ZNF385D: variants seen among roughly 807,000 people sequenced by gnomAD.
ZNF385D encodes the protein zinc finger protein 659.
ZNF385D carries 15 observed loss-of-function variants against 35.8 expected under a neutral mutation model. The ratio of observed to expected loss-of-function variants is 0.42; its 90% CI spans 0.28 to 0.64. ZNF385D has a LOEUF of 0.64. Among genes scored for constraint, ZNF385D ranks in the 30% least tolerant of loss-of-function variants. The pLI is 0.23. For missense variants in ZNF385D, 474 were observed against 494.6 expected (o/e 0.96, Z 0.39); for synonymous variants, 212 against 186.8 (o/e 1.13, Z -1.10).
At chr3:22,111,425 G>A (rs1394834140) in intron 3 of ZNF385D, among the ~76,000 whole-genome samples, 1 of 151,964 alleles carries the variant, frequency 6.6e-6, no homozygotes, top group Non-Finnish European at 1.5e-5. Context: ...AGCAGAAAGT[G>A]AGCCCTACCA....
chr3:22,006,504 CTT>C (rs1696212843), intron 3 of ZNF385D, among the ~76,000 whole-genome samples: 1 of 151,900 alleles, frequency 6.6e-6, no homozygotes, highest in Non-Finnish European at 1.5e-5. Context: ...ATAATTATCT[CTT>C]TTTGATTACA....
chr3:22,357,097 CACAT>C (rs1696189096), intron 2 of ZNF385D, among the ~76,000 whole-genome samples: 1 of 151,842 alleles, frequency 6.6e-6, no homozygotes, highest in Non-Finnish European at 1.5e-5. Context: ...TCAAGAAGTT[CACAT>C]ACATAATTAC....
chr3:21,900,282 T>C (rs1699333567), intron 3 of ZNF385D, among the ~76,000 whole-genome samples: 1 of 152,112 alleles, frequency 6.6e-6, no homozygotes, highest in Non-Finnish European at 1.5e-5. Context: ...TCTAGTTGGA[T>C]AACAGAGTCA....
intron 2 of ZNF385D, among the ~76,000 whole-genome samples, chr3:22,323,768 A>T (rs1487497814): frequency 6.6e-6 from 1 of 152,220 alleles, no homozygotes; most frequent in Non-Finnish European, 1.5e-5. Flanking sequence ...TAAGTGATGA[A>T]TATAAATTAT....
intron 2 of ZNF385D, among the ~76,000 whole-genome samples, chr3:22,265,862 T>A (rs537721604): frequency 6.6e-6 from 1 of 151,970 alleles, no homozygotes; most frequent in Admixed American, 6.6e-5. Flanking sequence ...TAAGGTCACA[T>A]AGAGGTTAAG....
In ZNF385D at chr3:21,423,966, C is replaced by T. The variant is rs1482028772; in HGVS notation, c.951G>A (p.Leu317=). The part of the protein sequence containing the change: ...YNKLQKTAHP[L]GVKLVFSKEP... ...ACTCTTGCAAAATGACACTCACCCC[C>T]AGTGGATGTGCTGTCTTCTGTAGTT... The change falls in exon 7 of 8, where the codon CTG becomes CTA. Residue 317 remains leucine (L), a synonymous_variant. Transcript: ENST00000281523. The T allele has an allele frequency of 6.2e-7, 1 of 1,607,262 alleles. No individual in the cohort carries two copies. The highest frequency in any genetic ancestry group is 2.3e-5 in the East Asian group (1 of 44,130).
At chr3:21,745,436 A>C (rs573283047) in intron 1 of ZNF385D, among the ~76,000 whole-genome samples, 1 of 152,182 alleles carries the variant, frequency 6.6e-6, no homozygotes, top group Non-Finnish European at 1.5e-5. Context: ...GTTCATATGC[A>C]ATCAGGGCTG....
intron 4 of ZNF385D, among the ~76,000 whole-genome samples, chr3:21,457,514 C>A (rs1200022425): frequency 6.6e-6 from 1 of 152,014 alleles, no homozygotes; most frequent in Non-Finnish European, 1.5e-5. Flanking sequence ...TGCCACCATG[C>A]CTAGCTAATT....
Position 21,437,004 on chromosome 3 carries a change from G to A in ZNF385D, c.639C>T (p.Val213=). ...LLYCSLCKVA[V]NSASQLEAHN... is the part of the protein sequence containing the mutation. ...GCGCCTCCAGCTGCGAGGCAGAGTT[G>A]ACAGCAACCTTGCATAGCGAACAGT... The change falls in exon 5 of 8, where the codon GTC becomes GTT. Residue 213 remains valine (V), a synonymous_variant. Transcript: ENST00000281523. 1.9e-6 allele frequency: 3 copies of A among 1,613,940 alleles called. No individual in the cohort carries two copies. Among genetic ancestry groups the A allele is most frequent in the Non-Finnish European group, 2.5e-6 (3 of 1,179,878 alleles).
At chr3:21,425,340 A>AT in intron 6 of ZNF385D, 152 bp downstream of exon 6, 1 of 636,172 alleles carries the variant, frequency 1.6e-6, no homozygotes, top group South Asian at 4.1e-5. Context: ...TGAAAGGAAG[A>AT]TAAGTGGGTT....
chr3:21,455,861 A>G (rs1162062883), intron 4 of ZNF385D, among the ~76,000 whole-genome samples: 1 of 152,128 alleles, frequency 6.6e-6, no homozygotes, highest in East Asian at 1.9e-4. Context: ...GCTAATATCC[A>G]GAATCTACAA....
chr3:22,173,707 C>T (rs1694624119), intron 2 of ZNF385D, among the ~76,000 whole-genome samples: 1 of 152,132 alleles, frequency 6.6e-6, no homozygotes, highest in Admixed American at 6.6e-5. Context: ...GGCTCTTTAT[C>T]TCAAATTTGC....
chr3:22,044,197 A>G (rs540618759), intron 3 of ZNF385D, among the ~76,000 whole-genome samples: 1 of 152,054 alleles, frequency 6.6e-6, no homozygotes, highest in Non-Finnish European at 1.5e-5. Context: ...TTAAAGATGA[A>G]TTGGCACCAG....
At chr3:22,162,856 CT>C (rs747007783) in intron 3 of ZNF385D, among the ~76,000 whole-genome samples, 6 of 152,116 alleles carry the variant, frequency 3.9e-5, no homozygotes, top group Non-Finnish European at 8.8e-5. Context: ...TCCTTAACAA[CT>C]TTAAAAATCA....
At chr3:21,945,697 G>T (rs184812332) in intron 3 of ZNF385D, among the ~76,000 whole-genome samples, 411 of 152,246 alleles carry the variant, frequency 2.7e-3, no homozygotes, top group Non-Finnish European at 5.0e-3. Flanking sequence ...CCCAATTGAT[G>T]TAAGTTTCTT....
intron 2 of ZNF385D, among the ~76,000 whole-genome samples, chr3:21,597,751 A>T (rs1183973742): frequency 6.6e-6 from 1 of 152,182 alleles, no homozygotes; most frequent in East Asian, 1.9e-4. Flanking sequence ...TGATAAACAT[A>T]AAAAGGTAGT....
At chr3:21,842,384 G>A (rs1695736246) in intron 3 of ZNF385D, among the ~76,000 whole-genome samples, 1 of 152,006 alleles carries the variant, frequency 6.6e-6, no homozygotes, top group African/African-American at 2.4e-5. Flanking sequence ...ATTTCTATCA[G>A]ATCTGATTCC....
At chr3:21,859,407 GA>G (rs35618611) in intron 3 of ZNF385D, among the ~76,000 whole-genome samples, 11,717 of 136,328 alleles carry the variant, frequency 0.086, 571 homozygotes, top group South Asian at 0.19. Flanking sequence ...GAAAGTAACA[GA>G]AAAAAAAAAA....
chr3:22,056,450 T>C (rs1475840571), intron 3 of ZNF385D, among the ~76,000 whole-genome samples: 2 of 152,146 alleles, frequency 1.3e-5, no homozygotes, highest in African/African-American at 4.8e-5. Context: ...GGTGGGAATG[T>C]CACCAGGTGA....
Sources: gnomAD v4.1 joint callset for allele counts (sites outside exome capture counted in the v4.1 genomes callset) on GRCh38, gnomAD v4.1.1 for gene constraint, MANE v1.5 for transcripts, NCBI Gene and HGNC (gene_info 2026-07-23, HGNC 2026-07-21) for gene names.